Variants in FLT4 observed in about 807,000 individuals in gnomAD.
FLT4 encodes vascular endothelial growth factor receptor 3.
Under a neutral mutation model 163.2 loss-of-function variants are expected in FLT4, and 30 were observed. The observed-to-expected ratio is 0.18, with a 90% CI of 0.14 to 0.25. The LOEUF (loss-of-function observed/expected upper bound fraction) is 0.25, where lower values mean the gene tolerates loss of function less well. Ranked by LOEUF, FLT4 falls within the 10% of genes least tolerant of loss-of-function variation. The pLI, the probability that FLT4 is intolerant of heterozygous loss-of-function variation, is 1.00. For synonymous variants in FLT4, 884 were observed against 789.5 expected (o/e 1.12, Z -2.01); for missense variants, 1,510 against 1,863.8 (o/e 0.81, Z 3.50).
At position 180,623,952 on chromosome 5, in the gene FLT4, C is replaced by T. The variant is rs1299470980; in HGVS notation, c.1531G>A (p.Val511Met). The T allele has an allele frequency of 6.2e-7, 1 of 1,613,688 alleles. No homozygotes were observed. Among genetic ancestry groups the T allele is most frequent in the Non-Finnish European group, 8.5e-7 (1 of 1,180,008 alleles). The change falls in exon 11 of 30, where the codon GTG (valine) becomes ATG (methionine). Residue 511 changes from valine to methionine, a missense_variant. Val to Met is a conservative substitution (Grantham distance 21). Coordinates refer to ENST00000261937, the MANE Select transcript of FLT4 (RefSeq NM_182925.5). This position sits in a 1 kb window ranked among gnomAD's most constrained non-coding sequence, Gnocchi z 5.8. ...IESLDTWTEF[V>M]EGKNKTVSKL... ...GCCTGTACCTTATTCTTTCCCTCCA[C>T]AAACTCGGTCCAGGTGTCCAGGCTC...
In FLT4 at chr5:180,620,666, G is replaced by T. The variant is rs371032164; in HGVS notation, c.2349C>A (p.Gly783=). 1.9e-6 allele frequency: 3 copies of T among 1,613,412 alleles called. No homozygotes were observed. Among genetic ancestry groups the T allele is most frequent in the African/African-American group, 1.3e-5 (1 of 74,894 alleles). The change falls in exon 16 of 30, where the codon GGC becomes GGA. Residue 783 remains glycine, a synonymous_variant. Transcript: ENST00000261937. The surrounding 1 kb of genome is among the most constrained non-coding windows in gnomAD (Gnocchi z 4.4). The part of the protein sequence containing the change: ...SMEIVILVGT[G]VIAVFFWVLL... Reference sequence around the variant, plus strand: ...GGACCCAGAAGAAGACAGCGATGACGCCGGTACCGACAAGGATCACGATCT... The same window carrying T: ...GGACCCAGAAGAAGACAGCGATGACTCCGGTACCGACAAGGATCACGATCT...
intron 1 of FLT4, among the ~76,000 whole-genome samples, chr5:180,639,576 A>ACACCCCACGG (rs1764947877): frequency 6.6e-6 from 1 of 151,828 alleles, no homozygotes; most frequent in African/African-American, 2.4e-5. Flanking sequence ...GTGGATGGTT[A>ACACCCCACGG]GATGGTTGGA....
chr5:180,622,934 C>A (rs992636468), intron 11 of FLT4, 95 bp from the exon 12 acceptor site: 17 of 789,114 alleles, frequency 2.2e-5, no homozygotes, highest in South Asian at 1.5e-4. Context: ...CACCACCCCC[C>A]CCAATCATGG....
intron 28 of FLT4, 71 bp downstream of exon 28, chr5:180,609,834 T>G: frequency 6.3e-7 from 1 of 1,589,710 alleles, no homozygotes; most frequent in Non-Finnish European, 8.6e-7. Flanking sequence ...TACGAATTCC[T>G]GACGCTGCCT....
chr5:180,621,904 G>T lies in FLT4; in HGVS notation c.1658C>A (p.Thr553Asn). ...DERLIYFYVTTIPDGFTIESK... is the reference protein window; with the variant it reads ...DERLIYFYVTNIPDGFTIESK... Reference sequence around the variant, plus strand: ...TTCGATGGTGAAGCCGTCGGGGATGGCTGTGGAGGGAGGAAGAAGCCCTGT... The same window carrying T: ...TTCGATGGTGAAGCCGTCGGGGATGTCTGTGGAGGGAGGAAGAAGCCCTGT... Residue 553 changes from threonine (T) to asparagine (N), a missense_variant and splice_region_variant, in exon 13 of 30, where the codon ACC becomes AAC. Transcript: ENST00000261937. The T allele has an allele frequency of 1.9e-6, 3 of 1,613,338 alleles. No individual in the cohort carries two copies. Among genetic ancestry groups the T allele is most frequent in the Non-Finnish European group, 2.5e-6 (3 of 1,179,944 alleles).
intron 1 of FLT4, among the ~76,000 whole-genome samples, chr5:180,648,056 G>A (rs1167596340): frequency 6.6e-6 from 1 of 152,104 alleles, no homozygotes; most frequent in Non-Finnish European, 1.5e-5. Flanking sequence ...CAGACACTGC[G>A]CCCAGGTGCC....
At chr5:180,645,048 C>T (rs1354439591) in intron 1 of FLT4, among the ~76,000 whole-genome samples, 2 of 152,214 alleles carry the variant, frequency 1.3e-5, no homozygotes, top group East Asian at 1.9e-4. Flanking sequence ...GCTGGGTGGA[C>T]GCGGGGCTAG....
In FLT4 at chr5:180,621,747, C is replaced by T. The variant is rs368166608; in HGVS notation, c.1815G>A (p.Pro605=). 2.2e-5 allele frequency: 36 copies of T among 1,613,094 alleles called. No homozygotes were observed. In the African/African-American group the frequency reaches 2.8e-4, roughly 13 times the overall value. The change falls in exon 13 of 30, where the codon CCG becomes CCA. Residue 605 remains proline (P), a synonymous_variant. Transcript: ENST00000261937. ...LSTLHDAHGN[P]LLLDCKNVHL... Reference sequence around the variant, plus strand: ...GCACGTTCTTGCAGTCGAGCAGAAGCGGGTTCCCGTGCGCATCGTGCAGCG... The same window carrying T: ...GCACGTTCTTGCAGTCGAGCAGAAGTGGGTTCCCGTGCGCATCGTGCAGCG...
intron 8 of FLT4, among the ~76,000 whole-genome samples, chr5:180,626,955 C>T (rs75792558): frequency 0.015 from 2,342 of 152,354 alleles, 62 homozygotes; most frequent in African/African-American, 0.051. Context: ...GTGGCCTGCC[C>T]CTGCCTTGCT....
At position 180,649,460 on chromosome 5, in the gene FLT4, G is replaced by C. The variant is rs147801168; in HGVS notation, c.58+28C>G. On this transcript the variant is annotated intron_variant, in intron 1 of 29. Coordinates refer to ENST00000261937, the MANE Select transcript of FLT4 (RefSeq NM_182925.5). ...CCCCTCCCCGGCCAGCCCCACGCTC[G>C]GGCGGGTGGCCCGTTCGCCGCGCTC... 8,445 of 1,447,678 alleles carry C rather than the reference G, an allele frequency of 5.8e-3. 336 individuals carry two copies. The African/African-American group carries it at 0.093, about 16-fold the overall frequency. 89.7% of individuals were successfully genotyped at this position (1,447,678 alleles called of 1,614,324 possible). A position where few individuals can be genotyped will look rare whatever the true frequency, so the allele number is the denominator to read the frequency against.
chr5:180,618,990 G>T, intron 20 of FLT4, 31 bp downstream of exon 20: 2 of 1,547,438 alleles, frequency 1.3e-6, no homozygotes, highest in Non-Finnish European at 1.7e-6. Flanking sequence ...TTCCCCCGCC[G>T]CCCGCGGCGC....
At chr5:180,635,808 T>TATGGGTCA (rs1312197971) in intron 1 of FLT4, among the ~76,000 whole-genome samples, 1 of 238 alleles carries the variant, frequency 4.2e-3, no homozygotes, top group Non-Finnish European at 0.022. Flanking sequence ...TGGATGGAAG[T>TATGGGTCA]ATGGGTGGAT....
At chr5:180,639,624 T>G (rs1764951921) in intron 1 of FLT4, among the ~76,000 whole-genome samples, 1 of 152,134 alleles carries the variant, frequency 6.6e-6, no homozygotes, top group African/African-American at 2.4e-5. Context: ...TCAACAGACC[T>G]CTGAAACCTC....
chr5:180,614,999 G>T (rs367217), intron 23 of FLT4, among the ~76,000 whole-genome samples: 142,461 of 152,218 alleles, frequency 0.94, 67,227 homozygotes, highest in Non-Finnish European at 1. Flanking sequence ...TGCACCAAGC[G>T]GGTCCATCTC....
At chr5:180,610,049 C>T in intron 27 of FLT4, 24 bp from the exon 28 acceptor site, 1 of 1,613,728 alleles carries the variant, frequency 6.2e-7, no homozygotes. Flanking sequence ...TCAGAAGGTG[C>T]TGAGGAACGC....
rs76601685 is a variant in FLT4, at chr5:180,602,746, G to C, written c.*446C>G. The C allele has an allele frequency of 8.6e-6, 4 of 464,478 alleles. No homozygotes were observed. In the East Asian group the frequency reaches 1.3e-4, roughly 15 times the overall value. The allele number at this position is 464,478 out of a possible 1,614,324, so 28.8% of individuals were successfully genotyped here. A position where few individuals can be genotyped will look rare whatever the true frequency, so the allele number is the denominator to read the frequency against. On this transcript the variant is annotated 3_prime_UTR_variant, in exon 30 of 30. Coordinates refer to ENST00000261937, the MANE Select transcript of FLT4 (RefSeq NM_182925.5). ...TCGTGGGGAGAGTAGCTGTGTGCCT[G>C]AGGAGGAAAGGGCGTTTGGGAGACC... is the stretch of plus-strand genomic sequence containing the variant.
At chr5:180,618,559 G>A (rs564581315) in intron 21 of FLT4, among the ~76,000 whole-genome samples, 1 of 152,206 alleles carries the variant, frequency 6.6e-6, no homozygotes, top group African/African-American at 2.4e-5. Flanking sequence ...CTTGTCTGCA[G>A]GGCAATTTCC....
Position 180,623,874 on chromosome 5 carries a change from T to C in FLT4, c.1548+61A>G, listed in dbSNP as rs1026147282. 3 of 1,604,132 alleles carry C rather than the reference T, an allele frequency of 1.9e-6. No homozygotes were observed. The highest frequency in any genetic ancestry group is 2.2e-5 in the South Asian group (2 of 90,876). ...CCAGGTGGAAACCACATGGCAGTAA[T>C]GGCCTCTCTCTCCTCCCTTCTCCTT... On this transcript the variant is annotated intron_variant, in intron 11 of 29. Coordinates refer to ENST00000261937, the MANE Select transcript of FLT4 (RefSeq NM_182925.5). This position sits in a 1 kb window ranked among gnomAD's most constrained non-coding sequence, Gnocchi z 5.8.
Position 180,603,359 on chromosome 5 carries a change from T to C in FLT4, c.3925A>G (p.Thr1309Ala). The change falls in exon 30 of 30, where the codon ACC (threonine) becomes GCC (alanine). Residue 1309 changes from threonine (T) to alanine (A), a missense_variant. Thr to Ala is a moderately conservative substitution (Grantham distance 58). Coordinates refer to ENST00000261937, the MANE Select transcript of FLT4 (RefSeq NM_182925.5). The part of the protein sequence containing the change: ...CKGPGQNVAV[T>A]RAHPDSQGRR... ...CCTTGGGAGTCAGGGTGTGCCCTGGTCACAGCCACATTCTGGCCAGGTCCT... is the reference window on the plus strand; with the variant it reads ...CCTTGGGAGTCAGGGTGTGCCCTGGCCACAGCCACATTCTGGCCAGGTCCT... 1 of 1,614,056 alleles carries C rather than the reference T, an allele frequency of 6.2e-7. No homozygotes were observed. The highest frequency in any genetic ancestry group is 1.1e-5 in the South Asian group (1 of 91,044).
Sources: gnomAD v4.1 joint callset for allele counts (sites outside exome capture counted in the v4.1 genomes callset) on GRCh38, gnomAD v4.1.1 for gene constraint, Gnocchi (gnomAD v3.1) non-coding constraint, MANE v1.5 for transcripts, NCBI Gene and HGNC (gene_info 2026-07-23, HGNC 2026-07-21) for gene names.